Variants in LRRC8A observed in about 807,000 individuals in gnomAD.
LRRC8A encodes volume-regulated anion channel subunit LRRC8A.
Under a neutral mutation model 52.5 loss-of-function variants are expected in LRRC8A, and 24 were observed. That is an observed-to-expected ratio of 0.46 (90% confidence interval 0.33 to 0.64). The LOEUF is 0.64. Ranked by LOEUF, LRRC8A falls within the 30% of genes least tolerant of loss-of-function variation. The probability of loss-of-function intolerance (pLI) is 0.02; values close to 1 mark genes in which losing one functional copy is unlikely to be tolerated. For synonymous variants in LRRC8A, 492 were observed against 494.2 expected (o/e 1.00, Z 0.06); for missense variants, 677 against 1,094.7 (o/e 0.62, Z 5.38).
At chr9:128,906,108 C>G (rs1840236503) in intron 2 of LRRC8A, among the ~76,000 whole-genome samples, 1 of 152,170 alleles carries the variant, frequency 6.6e-6, no homozygotes, top group African/African-American at 2.4e-5. Flanking sequence ...TTCCCAGAAT[C>G]TTGTACACAC....
At chr9:128,897,846 AT>A (rs2130974910) in intron 2 of LRRC8A, among the ~76,000 whole-genome samples, 1 of 152,100 alleles carries the variant, frequency 6.6e-6, no homozygotes, top group Admixed American at 6.6e-5. Flanking sequence ...GCCTGGCAAA[AT>A]AATCTTTTTT....
Position 128,907,738 on chromosome 9 carries a change from G to A in LRRC8A, c.574G>A (p.Gly192Arg). 6.2e-7 allele frequency: 1 copy of A among 1,613,528 alleles called. No homozygotes were observed. The highest frequency in any genetic ancestry group is 8.5e-7 in the Non-Finnish European group (1 of 1,179,776). Residue 192 changes from glycine (G) to arginine (R), a missense_variant, in exon 3 of 4, where the codon GGG becomes AGG. Physicochemically the swap from Gly to Arg is moderately radical, Grantham distance 125. Around this residue, in one of 4 missense-constraint regions of LRRC8A, gnomAD observed 422 missense variants for 741.5 expected, o/e 0.57. Coordinates refer to ENST00000372600, the MANE Select transcript of LRRC8A (RefSeq NM_019594.4). This position sits in a 1 kb window ranked among gnomAD's most constrained non-coding sequence, Gnocchi z 9.3. The stretch of plus-strand genomic sequence containing the variant: ...CAAGCCGGCCTTCAGCAAGATGAAT[G>A]GGTCCATGGACAAAAAGTCATCGAC... ...DPKPAFSKMN[G>R]SMDKKSSTVS...
At chr9:128,896,610 G>T (rs192194775) in intron 2 of LRRC8A, among the ~76,000 whole-genome samples, 34 of 152,246 alleles carry the variant, frequency 2.2e-4, no homozygotes, top group Middle Eastern at 3.4e-3. Flanking sequence ...TTTTTCCCCT[G>T]TGAATTGCCT....
In LRRC8A at chr9:128,907,540, C is replaced by T; in HGVS notation, c.376C>T (p.Pro126Ser). The T allele has an allele frequency of 6.2e-7, 1 of 1,614,150 alleles. No individual in the cohort carries two copies. The highest frequency in any genetic ancestry group is 8.5e-7 in the Non-Finnish European group (1 of 1,180,044). Residue 126 changes from proline (P) to serine (S), a missense_variant, in exon 3 of 4, where the codon CCC (proline) becomes TCC (serine). Physicochemically the swap from Pro to Ser is moderately conservative, Grantham distance 74. This residue lies in a region of LRRC8A where 422 missense variants were observed against 741.5 expected (regional missense o/e 0.57). Transcript: ENST00000372600. This position sits in a 1 kb window ranked among gnomAD's most constrained non-coding sequence, Gnocchi z 9.3. Reference sequence around the variant, plus strand: ...ACTGCACTGGTTTGCCAAGTACTTCCCCTACCTGGTGCTTCTGCACACGCT... The same window carrying T: ...ACTGCACTGGTTTGCCAAGTACTTCTCCTACCTGGTGCTTCTGCACACGCT... The part of the protein sequence containing the change: ...NRLHWFAKYF[P>S]YLVLLHTLIF...
rs1307836784 is a variant in LRRC8A, at chr9:128,908,559, T to C, written c.1395T>C (p.Ile465=). Residue 465 remains isoleucine, a synonymous_variant, in exon 3 of 4, where the codon ATT becomes ATC. Coordinates refer to ENST00000372600, the MANE Select transcript of LRRC8A (RefSeq NM_019594.4). The part of the protein sequence containing the change: ...LIPDVTIPPS[I]AQLTGLKELW... ...CCGACGTGACCATCCCGCCCAGCAT[T>C]GCCCAGCTCACGGGCCTCAAGGAGC... 1.2e-6 allele frequency: 2 copies of C among 1,612,632 alleles called. No homozygotes were observed. The highest frequency in any genetic ancestry group is 1.3e-5 in the African/African-American group (1 of 74,860).
Position 128,909,226 on chromosome 9 carries a change from C to A in LRRC8A, c.2062C>A (p.Arg688Ser). ...CCAGCTCTTCTACTGCCGCAAGCTGCGCTACCTGGACCTCAGCCACAACAA... is the reference window on the plus strand; with the variant it reads ...CCAGCTCTTCTACTGCCGCAAGCTGAGCTACCTGGACCTCAGCCACAACAA... ...PTQLFYCRKL[R>S]YLDLSHNNLT... Residue 688 changes from arginine (R) to serine (S), a missense_variant, in exon 3 of 4, where the codon CGC becomes AGC. This residue lies in a region of LRRC8A where 169 missense variants were observed against 217.6 expected (regional missense o/e 0.78). Transcript: ENST00000372600. 6.2e-7 allele frequency: 1 copy of A among 1,614,136 alleles called. No homozygotes were observed. Among genetic ancestry groups the A allele is most frequent in the South Asian group, 1.1e-5 (1 of 91,082 alleles).
At position 128,917,754 on chromosome 9, in the gene LRRC8A, T is replaced by C. The variant is rs1056458971; in HGVS notation, c.*1383T>C. On this transcript the variant is annotated 3_prime_UTR_variant, in exon 4 of 4. Transcript: ENST00000372600. ...GAGTGCACACAGCCCAGTCGGCACC[T>C]GGTGGCTGGAAGCCACCCTGCTTTA... 1.3e-5 allele frequency: 2 copies of C among 152,702 alleles called. No individual in the cohort carries two copies. The highest frequency in any genetic ancestry group is 1.3e-4 in the Admixed American group (2 of 15,290). 9.5% of individuals were successfully genotyped at this position (152,702 alleles called of 1,614,324 possible).
chr9:128,893,200 G>A (rs1330772272), intron 2 of LRRC8A, among the ~76,000 whole-genome samples: 3 of 152,028 alleles, frequency 2.0e-5, no homozygotes, highest in Non-Finnish European at 4.4e-5. Flanking sequence ...GCGAGTTTTC[G>A]AGGTTCTGCG....
In LRRC8A at chr9:128,887,556, A is replaced by G. The variant is rs115413501; in HGVS notation, c.-9+1435A>G. ...GGAAGGGGTATATTCTTCCACATCT[A>G]TTGTTACCATTTGCTTATTTTTATA... On this transcript the variant is annotated intron_variant, in intron 2 of 3. Coordinates refer to ENST00000372600, the MANE Select transcript of LRRC8A (RefSeq NM_019594.4). Among the ~76,000 whole-genome samples the G allele has an allele frequency of 4.4e-3, 674 of 151,974 alleles. 3 individuals carry two copies. Among genetic ancestry groups the G allele is most frequent in the African/African-American group, 0.015 (602 of 41,434 alleles).
chr9:128,906,357 T>C (rs1301583335), intron 2 of LRRC8A, among the ~76,000 whole-genome samples: 1 of 128,002 alleles, frequency 7.8e-6, no homozygotes, highest in East Asian at 2.5e-4. Context: ...AGTTTCACTC[T>C]TGTCGCCCAG....
chr9:128,886,731 A>G (rs181157945), intron 2 of LRRC8A, among the ~76,000 whole-genome samples: 156 of 152,352 alleles, frequency 1.0e-3, no homozygotes, highest in African/African-American at 3.4e-3. Context: ...ATATGTTGAC[A>G]TAGAGCAGGC....
At chr9:128,906,338 TTGAG>T (rs1840249221) in intron 2 of LRRC8A, among the ~76,000 whole-genome samples, 1 of 149,240 alleles carries the variant, frequency 6.7e-6, no homozygotes, top group Admixed American at 6.7e-5. Context: ...TTTTTTTTTT[TTGAG>T]TTGGAGTTTC....
At chr9:128,905,961 T>C (rs1303203539) in intron 2 of LRRC8A, among the ~76,000 whole-genome samples, 1 of 152,232 alleles carries the variant, frequency 6.6e-6, no homozygotes, top group Non-Finnish European at 1.5e-5. Context: ...CAACCAGAGA[T>C]GATTTTACAT....
intron 2 of LRRC8A, among the ~76,000 whole-genome samples, chr9:128,894,892 A>G (rs918954090): frequency 1.3e-5 from 2 of 152,106 alleles, no homozygotes; most frequent in Non-Finnish European, 2.9e-5. Flanking sequence ...GTAAGTGTAC[A>G]CTTCAATGGT....
intron 2 of LRRC8A, among the ~76,000 whole-genome samples, chr9:128,887,433 G>A (rs369195377): frequency 4.1e-4 from 63 of 152,052 alleles, no homozygotes; most frequent in African/African-American, 1.4e-3. Flanking sequence ...TAAAGTGCTG[G>A]GATTATGGGT....
chr9:128,892,613 G>T lies in LRRC8A; in HGVS notation c.-9+6492G>T, dbSNP rs1351163299. On this transcript the variant is annotated intron_variant, in intron 2 of 3. Coordinates refer to ENST00000372600, the MANE Select transcript of LRRC8A (RefSeq NM_019594.4). This position sits in a 1 kb window ranked among gnomAD's most constrained non-coding sequence, Gnocchi z 5.2. ...TGACTCACCCCAGCTGGGTGTGGGGGCCTCCAGGGCAGTGTCCGCCCTGGG... is the reference window on the plus strand; with the variant it reads ...TGACTCACCCCAGCTGGGTGTGGGGTCCTCCAGGGCAGTGTCCGCCCTGGG... Among the ~76,000 whole-genome samples the T allele has an allele frequency of 6.6e-6, 1 of 152,192 alleles. No homozygotes were observed. Among genetic ancestry groups the T allele is most frequent in the African/African-American group, 2.4e-5 (1 of 41,452 alleles).
In LRRC8A at chr9:128,892,746, A is replaced by C. The variant is rs1839673868; in HGVS notation, c.-9+6625A>C. Reference sequence around the variant, plus strand: ...TGGCCCGTGGTGGGAGCAGATCCACAGGCTTGGAACCCTCCCGGGACAGGG... The same window carrying C: ...TGGCCCGTGGTGGGAGCAGATCCACCGGCTTGGAACCCTCCCGGGACAGGG... On this transcript the variant is annotated intron_variant, in intron 2 of 3. Transcript: ENST00000372600. This position sits in a 1 kb window ranked among gnomAD's most constrained non-coding sequence, Gnocchi z 5.2. Among the ~76,000 whole-genome samples the C allele has an allele frequency of 6.6e-6, 1 of 152,112 alleles. No homozygotes were observed. The highest frequency in any genetic ancestry group is 1.5e-5 in the Non-Finnish European group (1 of 67,986).
Position 128,916,210 on chromosome 9 carries a change from C to T in LRRC8A, c.2272C>T (p.Gln758Ter). Residue 758 changes from glutamine to a stop codon, truncating the protein, a stop_gained, in exon 4 of 4, where the codon CAG becomes TAG. Transcript: ENST00000372600. LOFTEE classifies it high-confidence loss of function. This position sits in a 1 kb window ranked among gnomAD's most constrained non-coding sequence, Gnocchi z 6.1. ...GGTGGGCGAGCTGACCAACCTGACG[C>T]AGATCGAGCTGCGGGGCAACCGGCT... ...SRVGELTNLT[Q>*]IELRGNRLEC... is the part of the protein sequence containing the mutation. 6.2e-7 allele frequency: 1 copy of T among 1,613,592 alleles called. No individual in the cohort carries two copies. The highest frequency in any genetic ancestry group is 8.5e-7 in the Non-Finnish European group (1 of 1,179,998).
In LRRC8A at chr9:128,902,585, C is replaced by T. The variant is rs1840069051; in HGVS notation, c.-8-4572C>T. 6.6e-6 allele frequency among the ~76,000 whole-genome samples: 1 copy of T among 152,226 alleles called. No homozygotes were observed. Among genetic ancestry groups the T allele is most frequent in the South Asian group, 2.1e-4 (1 of 4,830 alleles). ...CCGCGCCCGCCCTGGCTGTCTCATT[C>T]CAGACTTGGGGGCAGGCAGGCTGCT... On this transcript the variant is annotated intron_variant, in intron 2 of 3. Transcript: ENST00000372600. The surrounding 1 kb of genome is among the most constrained non-coding windows in gnomAD (Gnocchi z 4.1).
Sources: gnomAD v4.1 joint callset for allele counts (sites outside exome capture counted in the v4.1 genomes callset) on GRCh38, gnomAD v4.1.1 for gene constraint, gnomAD v4.1.1 regional missense constraint, Gnocchi (gnomAD v3.1) non-coding constraint, MANE v1.5 for transcripts, NCBI Gene and HGNC (gene_info 2026-07-23, HGNC 2026-07-21) for gene names.